The following FAM120B variants were observed in gnomAD, a reference collection of about 807,000 sequenced individuals.
The protein encoded by FAM120B is constitutive coactivator of peroxisome proliferator-activated receptor gamma.
In FAM120B, 83 loss-of-function variants were observed where a neutral mutation model predicts 96.3. That is an observed-to-expected ratio of 0.86 (90% CI 0.72 to 1.03). The LOEUF is 1.03. Among genes scored for constraint, FAM120B ranks in the 50% least tolerant of loss-of-function variants. The probability of loss-of-function intolerance (pLI) is 0.00; values close to 1 mark genes in which losing one functional copy is unlikely to be tolerated. For synonymous variants in FAM120B, 407 were observed against 402.7 expected (o/e 1.01, Z -0.13); for missense variants, 1,027 against 1,121.2 (o/e 0.92, Z 1.20).
intron 6 of FAM120B, among the ~76,000 whole-genome samples, chr6:170,371,531 TAAG>T: frequency 2.0e-5 from 3 of 152,230 alleles, no homozygotes; most frequent in African/African-American, 7.2e-5. Context: ...TTTGCCATGA[TAAG>T]AAGCTGTCAT....
intron 9 of FAM120B, among the ~76,000 whole-genome samples, chr6:170,400,220 G>A (rs1284908397): frequency 1.3e-5 from 2 of 151,660 alleles, no homozygotes; most frequent in Admixed American, 6.6e-5. Context: ...GGAGTGAGTG[G>A]GGAAGGTAGA....
At chr6:170,292,269 G>A (rs1252788223), upstream of FAM120B, among the ~76,000 whole-genome samples, 1 of 152,184 alleles carries the variant, frequency 6.6e-6, no homozygotes, top group Non-Finnish European at 1.5e-5. The surrounding 1 kb of genome is among the most constrained non-coding windows in gnomAD (Gnocchi z 6.6). Context: ...AGTTTATTGG[G>A]AGGGCCGAGA....
intron 6 of FAM120B, among the ~76,000 whole-genome samples, chr6:170,361,325 A>G (rs569930658): frequency 6.7e-6 from 1 of 150,148 alleles, no homozygotes; most frequent in South Asian, 2.1e-4. Context: ...GGTGCATAGT[A>G]CATATTTATG....
intron 5 of FAM120B, among the ~76,000 whole-genome samples, chr6:170,357,458 G>T (rs895168178): frequency 6.6e-6 from 1 of 152,150 alleles, no homozygotes; most frequent in Non-Finnish European, 1.5e-5. Flanking sequence ...GCTGTCTCTT[G>T]TTCCTCTGTC....
intron 4 of FAM120B, among the ~76,000 whole-genome samples, chr6:170,345,914 A>G (rs560751567): frequency 6.6e-6 from 1 of 152,372 alleles, no homozygotes; most frequent in Admixed American, 6.5e-5. Context: ...TCTCATGAGA[A>G]CATCATAGAA....
chr6:170,320,648 T>C (rs1785225687), intron 2 of FAM120B, among the ~76,000 whole-genome samples: 1 of 152,034 alleles, frequency 6.6e-6, no homozygotes, highest in Non-Finnish European at 1.5e-5. Context: ...ATTGAGTAGA[T>C]GGCACCTCTA....
intron 1 of FAM120B, among the ~76,000 whole-genome samples, chr6:170,298,942 G>A (rs1784082553): frequency 6.6e-6 from 1 of 152,216 alleles, no homozygotes; most frequent in African/African-American, 2.4e-5. Context: ...AGACATGCAG[G>A]AAGTAGAAGG....
chr6:170,375,916 G>T (rs1789483770), intron 6 of FAM120B, among the ~76,000 whole-genome samples: 1 of 152,192 alleles, frequency 6.6e-6, no homozygotes, highest in Admixed American at 6.5e-5. Flanking sequence ...GAAGGAGCGG[G>T]ACTGTTTGTG....
Position 170,295,411 on chromosome 6 carries a change from T to C in FAM120B, c.6T>C (p.Phe2=), listed in dbSNP as rs1381302088. The change falls in exon 1 of 11, where the codon TTT becomes TTC. Residue 2 remains phenylalanine, a synonymous_variant. Coordinates refer to the FAM120B transcript ENST00000537664. The surrounding 1 kb of genome is among the most constrained non-coding windows in gnomAD (Gnocchi z 7.8). ...AGGGGGCATCGATCTGGTTTATGTT[T>C]GGACCTCGAGGCTCCACCAGCGCTG... The C allele has an allele frequency of 2.8e-6, 2 of 701,850 alleles. No individual in the cohort carries two copies. Among genetic ancestry groups the C allele is most frequent in the South Asian group, 1.5e-5 (1 of 67,452 alleles). The allele number at this position is 701,850 out of a possible 1,614,324, so 43.5% of individuals were successfully genotyped here.
rs189157648 is a variant in FAM120B, at chr6:170,382,985, T to C, written c.2284-5302T>C. Among the ~76,000 whole-genome samples the C allele has an allele frequency of 6.1e-4, 93 of 151,530 alleles. 2 individuals are homozygous for C. Among genetic ancestry groups the C allele is most frequent in the Admixed American group, 2.7e-3 (41 of 15,196 alleles). ...TGAAACAGAATAGAGAACCCAGACA[T>C]AGACCCACACAAGTACCACCAGTGG... On this transcript the variant is annotated intron_variant, in intron 6 of 10. Transcript: ENST00000476287.
intron 4 of FAM120B, among the ~76,000 whole-genome samples, chr6:170,339,825 T>C (rs1280423139): frequency 1.3e-5 from 2 of 151,986 alleles, no homozygotes; most frequent in Admixed American, 6.6e-5. Flanking sequence ...CCCCCACTCT[T>C]TTGCGGCTTG....
chr6:170,345,641 A>G (rs1280515478), intron 4 of FAM120B, among the ~76,000 whole-genome samples: 3 of 152,246 alleles, frequency 2.0e-5, no homozygotes, highest in East Asian at 1.9e-4. Context: ...CTTTTGTGAC[A>G]GTATGGTAGG....
At position 170,295,665 on chromosome 6, in the gene FAM120B, A is replaced by G. The variant is rs749941338; in HGVS notation, c.48+212A>G. On this transcript the variant is annotated intron_variant, in intron 1 of 10. Coordinates refer to the FAM120B transcript ENST00000537664. The surrounding 1 kb of genome is among the most constrained non-coding windows in gnomAD (Gnocchi z 7.8). ...CGGCTGCGCCGCTGGAGACCCGGCG[A>G]GTGACTTCCCCGGTGCGGCCGGGTC... is the stretch of plus-strand genomic sequence containing the variant. Among the ~76,000 whole-genome samples the G allele has an allele frequency of 2.0e-5, 3 of 152,104 alleles. No individual in the cohort carries two copies. The highest frequency in any genetic ancestry group is 4.4e-5 in the Non-Finnish European group (3 of 67,998).
intron 5 of FAM120B, among the ~76,000 whole-genome samples, chr6:170,349,179 A>G (rs1490197144): frequency 1.3e-5 from 2 of 151,964 alleles, no homozygotes; most frequent in African/African-American, 2.4e-5. Flanking sequence ...GTGATTTAAG[A>G]TGATTTTTGT....
chr6:170,318,921 T>C lies in FAM120B; in HGVS notation c.1531T>C (p.Cys511Arg), dbSNP rs9348266. 6.2e-7 allele frequency: 1 copy of C among 1,614,126 alleles called. No individual in the cohort carries two copies. Among genetic ancestry groups the C allele is most frequent in the African/African-American group, 1.3e-5 (1 of 75,044 alleles). ...GHESKQEVPICTDPISKQEDS... is the reference protein window; with the variant it reads ...GHESKQEVPIRTDPISKQEDS... The stretch of plus-strand genomic sequence containing the variant: ...TGAATCCAAACAGGAAGTTCCCATA[T>C]GTACAGATCCTATATCCAAGCAAGA... The change falls in exon 2 of 11, where the codon TGT becomes CGT. Residue 511 changes from cysteine to arginine, a missense_variant. Cys to Arg is a radical substitution (Grantham distance 180). Transcript: ENST00000476287.
rs138027314 is a variant in FAM120B at position 170,360,328 on chromosome 6, C to CAACA, written c.2283+2010_2283+2011insAACA. On this transcript the variant is annotated intron_variant, in intron 6 of 10. Transcript: ENST00000476287. ...AGATTTAAATGCAGCAGAAGGTGTA[C>CAACA]TGTTCTTCGTAGGCATTTAGTGCAT... Among the ~76,000 whole-genome samples the CAACA allele has an allele frequency of 9.1e-3, 1,385 of 152,312 alleles. 66 individuals are homozygous for CAACA. In the East Asian group the frequency reaches 0.1, roughly 11 times the overall value.
intron 4 of FAM120B, among the ~76,000 whole-genome samples, chr6:170,331,650 G>A (rs914874690): frequency 6.6e-6 from 1 of 152,072 alleles, no homozygotes; most frequent in African/African-American, 2.4e-5. Flanking sequence ...AATATAATAT[G>A]GAAAATGACT....
chr6:170,398,060 T>C (rs1316597905), intron 9 of FAM120B, among the ~76,000 whole-genome samples: 1 of 152,156 alleles, frequency 6.6e-6, no homozygotes, highest in African/African-American at 2.4e-5. Context: ...ACAGTCCAGA[T>C]GGGAGGATGG....
intron 9 of FAM120B, among the ~76,000 whole-genome samples, chr6:170,400,890 C>G (rs970840458): frequency 6.6e-6 from 1 of 152,166 alleles, no homozygotes; most frequent in Non-Finnish European, 1.5e-5. Context: ...GCATGGCCCC[C>G]AGGTCAAGTG....
Sources: allele counts gnomAD v4.1 joint callset (sites outside exome capture counted in the v4.1 genomes callset), GRCh38; gene constraint gnomAD v4.1.1; non-coding constraint Gnocchi (gnomAD v3.1); transcripts MANE v1.5; gene names NCBI Gene and HGNC (gene_info 2026-07-23, HGNC 2026-07-21).